The following TENM2 variants were observed in gnomAD, a reference collection of about 807,000 sequenced individuals.
TENM2 encodes the protein teneurin transmembrane protein 2, also known as teneurin-2.
Under a neutral mutation model 245.2 loss-of-function variants are expected in TENM2, and 52 were observed. The ratio of observed to expected loss-of-function variants is 0.21; its 90% CI spans 0.17 to 0.27. The LOEUF (loss-of-function observed/expected upper bound fraction) is 0.27, where lower values mean the gene tolerates loss of function less well. Among genes scored for constraint, TENM2 ranks in the 10% least tolerant of loss-of-function variants. The pLI is 1.00. For missense variants in TENM2, 3,046 were observed against 3,666.8 expected (o/e 0.83, Z 4.37); for synonymous variants, 1,363 against 1,438.9 (o/e 0.95, Z 1.19).
chr5:167,835,047 G>GC (rs1473079428), intron 2 of TENM2, among the ~76,000 whole-genome samples: 3 of 152,190 alleles, frequency 2.0e-5, no homozygotes, highest in Non-Finnish European at 4.4e-5. Flanking sequence ...TCCTCGCACT[G>GC]CCCCTGAGCA....
At chr5:167,820,663 C>G (rs935208684) in intron 2 of TENM2, among the ~76,000 whole-genome samples, 16 of 152,182 alleles carry the variant, frequency 1.1e-4, no homozygotes, top group Admixed American at 4.6e-4. Context: ...TCCGTCAAGG[C>G]CCTGAGAGCC....
In TENM2 at chr5:168,199,846, C is replaced by T; in HGVS notation, c.3163-18C>T. 1.2e-6 allele frequency: 2 copies of T among 1,610,442 alleles called. No homozygotes were observed. The highest frequency in any genetic ancestry group is 1.7e-6 in the Non-Finnish European group (2 of 1,178,218). ...AGGTGTGTTTTAGGTGTGTGTCTGC[C>T]ATGTGTTTCCTCTCCAGGTTCTTCA... On this transcript the variant is annotated intron_variant, in intron 16 of 28. Coordinates refer to ENST00000518659, the Ensembl canonical transcript of TENM2.
chr5:167,412,984 C>A (rs1418821251), intron 2 of TENM2, among the ~76,000 whole-genome samples: 2 of 152,006 alleles, frequency 1.3e-5, no homozygotes, highest in East Asian at 1.9e-4. Flanking sequence ...AATGTTAATC[C>A]CTTTCAATGG....
chr5:168,138,516 G>T (rs907486807), intron 12 of TENM2, among the ~76,000 whole-genome samples: 5 of 152,200 alleles, frequency 3.3e-5, no homozygotes, highest in Non-Finnish European at 7.3e-5. Flanking sequence ...GAAGCCAAGG[G>T]TGCCACACCT....
the TENM2 span, among the ~76,000 whole-genome samples, chr5:167,278,940 CTT>C: frequency 6.6e-6 from 1 of 152,162 alleles, no homozygotes. Context: ...AGAACTAACT[CTT>C]TAGCTATTTT....
At chr5:167,426,238 A>G (rs1763814367) in intron 2 of TENM2, among the ~76,000 whole-genome samples, 1 of 152,186 alleles carries the variant, frequency 6.6e-6, no homozygotes, top group South Asian at 2.1e-4. Context: ...GAGCCATGCA[A>G]TATAAAATGG....
chr5:168,034,093 GTATATATATA>G (rs201397686), intron 5 of TENM2, among the ~76,000 whole-genome samples: 1 of 122,504 alleles, frequency 8.2e-6, no homozygotes, highest in African/African-American at 3.1e-5. Flanking sequence ...ATATATATGT[GTATATATATA>G]TGTATACATA....
intron 1 of TENM2, among the ~76,000 whole-genome samples, chr5:167,291,917 G>A (rs889476151): frequency 4.6e-5 from 7 of 152,104 alleles, no homozygotes; most frequent in African/African-American, 1.2e-4. Context: ...TAATTTATAA[G>A]GAAAAAGAGG....
At chr5:168,147,801 A>G (rs1024365065) in intron 12 of TENM2, among the ~76,000 whole-genome samples, 3 of 152,190 alleles carry the variant, frequency 2.0e-5, no homozygotes, top group African/African-American at 4.8e-5. Context: ...AAGCTAAGCA[A>G]CATTTCCCAG....
At chr5:167,814,883 G>A (rs1342607066) in intron 2 of TENM2, among the ~76,000 whole-genome samples, 1 of 152,144 alleles carries the variant, frequency 6.6e-6, no homozygotes, top group African/African-American at 2.4e-5. Context: ...GGGTTGGCTA[G>A]AACAAATACC....
At chr5:168,056,472 C>A (rs539533600) in intron 6 of TENM2, among the ~76,000 whole-genome samples, 33 of 152,272 alleles carry the variant, frequency 2.2e-4, no homozygotes, top group African/African-American at 7.2e-4. Flanking sequence ...TCATGCATGG[C>A]AAAACAGTGT....
intron 19 of TENM2, among the ~76,000 whole-genome samples, chr5:168,210,277 C>A (rs1481517796): frequency 1.3e-5 from 2 of 152,274 alleles, no homozygotes; most frequent in East Asian, 3.9e-4. Flanking sequence ...ACAACTTGAT[C>A]CTTCACCCCG....
intron 1 of TENM2, among the ~76,000 whole-genome samples, chr5:167,346,029 G>A (rs1460445789): frequency 6.6e-6 from 1 of 152,050 alleles, no homozygotes; most frequent in Admixed American, 6.6e-5. Flanking sequence ...ACGACATTTT[G>A]CCAGGGGTGG....
chr5:167,472,984 T>A (rs563971764), intron 2 of TENM2, among the ~76,000 whole-genome samples: 4 of 151,998 alleles, frequency 2.6e-5, no homozygotes, highest in Non-Finnish European at 5.9e-5. Flanking sequence ...ATAAACAAAT[T>A]GGGGTGGGAA....
intron 2 of TENM2, among the ~76,000 whole-genome samples, chr5:167,427,307 G>C (rs1288058731): frequency 1.3e-5 from 2 of 152,252 alleles, no homozygotes; most frequent in South Asian, 2.1e-4. Context: ...ACAAAAATTA[G>C]CTGGGCGTGG....
At chr5:167,238,024 A>AAAAG in the TENM2 span, among the ~76,000 whole-genome samples, 1 of 151,194 alleles carries the variant, frequency 6.6e-6, no homozygotes, top group Non-Finnish European at 1.5e-5. Context: ...AAAAAAAAAA[A>AAAAG]AAAAAAAAAG....
the TENM2 span, among the ~76,000 whole-genome samples, chr5:167,011,904 T>C: frequency 6.6e-6 from 1 of 152,118 alleles, no homozygotes; most frequent in Non-Finnish European, 1.5e-5. Context: ...TAAAAGTGCA[T>C]TGTTCTATTG....
chr5:167,963,339 T>C (rs1048779023), intron 4 of TENM2, among the ~76,000 whole-genome samples: 3 of 152,200 alleles, frequency 2.0e-5, no homozygotes, highest in Admixed American at 6.5e-5. Context: ...TATTGTGAGT[T>C]TATTGGTGTC....
intron 2 of TENM2, among the ~76,000 whole-genome samples, chr5:167,772,873 A>AATTCTTTTCTT (rs1763494429): frequency 6.6e-6 from 1 of 152,238 alleles, no homozygotes; most frequent in African/African-American, 2.4e-5. Context: ...CTTCCTAAAT[A>AATTCTTTTCTT]TGATTTAATT....
Sources: gnomAD v4.1 joint callset for allele counts (sites outside exome capture counted in the v4.1 genomes callset) on GRCh38, gnomAD v4.1.1 for gene constraint, MANE v1.5 for transcripts, NCBI Gene and HGNC (gene_info 2026-07-23, HGNC 2026-07-21) for gene names.